Variants in SPATA17 observed in about 807,000 individuals in gnomAD.
SPATA17 encodes the protein spermatogenesis associated 17, also known as spermatogenesis-associated protein 17.
SPATA17 carries 53 observed loss-of-function variants against 62.2 expected under a neutral mutation model. That is an observed-to-expected ratio of 0.85 (90% CI 0.68 to 1.07). SPATA17 has a LOEUF of 1.07. Ranked by LOEUF, SPATA17 falls within the 50% of genes least tolerant of loss-of-function variation. SPATA17 has a pLI of 0.00. For synonymous variants in SPATA17, 146 were observed against 146.8 expected, an observed-to-expected ratio of 0.99 and a Z score of 0.04; for missense variants, 466 against 425.5, an observed-to-expected ratio of 1.10 and a Z score of -0.84.
intron 4 of SPATA17, among the ~76,000 whole-genome samples, chr1:217,674,365 T>C (rs1408739851): frequency 6.6e-6 from 1 of 152,212 alleles, no homozygotes; most frequent in African/African-American, 2.4e-5. Context: ...TGATTTGTGA[T>C]GCAGGATTTT....
chr1:217,682,491 C>G (rs1463189097), intron 4 of SPATA17, among the ~76,000 whole-genome samples: 1 of 151,988 alleles, frequency 6.6e-6, no homozygotes, highest in Non-Finnish European at 1.5e-5. Context: ...TATTGAAAAT[C>G]ACAGTTCTCT....
chr1:217,771,731 A>G (rs1193354648), intron 6 of SPATA17, among the ~76,000 whole-genome samples: 1 of 152,210 alleles, frequency 6.6e-6, no homozygotes, highest in Non-Finnish European at 1.5e-5. Context: ...TGCAAAGAGA[A>G]TACACATGAG....
rs1002377213 is a variant in SPATA17 at position 217,850,592 on chromosome 1, G to A, written c.1006-12182G>A. ...TGGTGTCACTGGGCTCCACTTCAAG[G>A]GTGATGGTCTTGCCAGTCAGGGTCT... On this transcript the variant is annotated intron_variant, in intron 9 of 10. Coordinates refer to ENST00000366933, the MANE Select transcript of SPATA17 (RefSeq NM_138796.4). The A allele has an allele frequency of 8.1e-6, 13 of 1,596,372 alleles. No individual in the cohort carries two copies. In the South Asian group the frequency reaches 1.4e-4, roughly 18 times the overall value.
chr1:217,861,316 G>A (rs1675893016), intron 9 of SPATA17, among the ~76,000 whole-genome samples: 1 of 150,648 alleles, frequency 6.6e-6, no homozygotes, highest in South Asian at 2.1e-4. Flanking sequence ...CATATCATTT[G>A]CCTCTCACTG....
At position 217,631,540 on chromosome 1, in the gene SPATA17, AC is replaced by A. The variant is rs1293146178; in HGVS notation, c.68+97del. On this transcript the variant is annotated intron_variant, in intron 1 of 10. Coordinates refer to ENST00000366933, the MANE Select transcript of SPATA17 (RefSeq NM_138796.4). The stretch of plus-strand genomic sequence containing the variant: ...GTTTCCAATTAACGATTTAACGATT[AC>A]CCTAATTCATTAAGTAGTACCCAAT... 9.1e-6 allele frequency: 12 copies of A among 1,314,296 alleles called. No homozygotes were observed. In the East Asian group the frequency reaches 2.8e-4, roughly 30 times the overall value. 81.4% of individuals were successfully genotyped at this position (1,314,296 alleles called of 1,614,324 possible).
intron 9 of SPATA17, among the ~76,000 whole-genome samples, chr1:217,825,821 T>A (rs1037583345): frequency 5.3e-5 from 8 of 152,076 alleles, no homozygotes. Flanking sequence ...AACTAACATT[T>A]CCTTGATTTT....
chr1:217,710,239 G>A (rs781543720), intron 5 of SPATA17, among the ~76,000 whole-genome samples: 8 of 152,096 alleles, frequency 5.3e-5, no homozygotes, highest in Non-Finnish European at 1.2e-4. Flanking sequence ...GTTTGCGCTT[G>A]GTAGACATGT....
chr1:217,684,497 C>T (rs1045434176), intron 5 of SPATA17, among the ~76,000 whole-genome samples: 1 of 152,088 alleles, frequency 6.6e-6, no homozygotes, highest in African/African-American at 2.4e-5. Flanking sequence ...TCACTGCAAC[C>T]TCTGCTTCTG....
In SPATA17 at chr1:217,687,471, G is replaced by A. The variant is rs140116893; in HGVS notation, c.395+4110G>A. 6.1e-3 allele frequency among the ~76,000 whole-genome samples: 921 copies of A among 152,220 alleles called. 13 individuals are homozygous for A. The highest frequency in any genetic ancestry group is 0.054 in the Middle Eastern group (16 of 294). On this transcript the variant is annotated intron_variant, in intron 5 of 10. Coordinates refer to ENST00000366933, the MANE Select transcript of SPATA17 (RefSeq NM_138796.4). ...ACATAATGATGTTTTGGTCAATGAC[G>A]TACGACATTTATGACAGTGGTCCTG... is the stretch of plus-strand genomic sequence containing the variant.
intron 9 of SPATA17, among the ~76,000 whole-genome samples, chr1:217,854,118 A>G (rs1009402949): frequency 6.6e-5 from 10 of 152,108 alleles, no homozygotes; most frequent in Admixed American, 6.6e-4. Context: ...AGAGCTCAGC[A>G]TTTGCCTTAT....
intron 4 of SPATA17, among the ~76,000 whole-genome samples, chr1:217,670,162 G>T (rs1670800255): frequency 6.6e-6 from 1 of 152,104 alleles, no homozygotes; most frequent in African/African-American, 2.4e-5. Context: ...GTTTTGTACA[G>T]CTTTGCTATA....
At chr1:217,710,747 GT>G (rs1220747834) in intron 5 of SPATA17, among the ~76,000 whole-genome samples, 1 of 152,116 alleles carries the variant, frequency 6.6e-6, no homozygotes, top group African/African-American at 2.4e-5. Context: ...CATTTGTAGA[GT>G]TTTGCAACCA....
intron 6 of SPATA17, among the ~76,000 whole-genome samples, chr1:217,771,987 T>G (rs1673459788): frequency 6.6e-6 from 1 of 152,236 alleles, no homozygotes; most frequent in South Asian, 2.1e-4. Context: ...GTTGTAGCAA[T>G]GTTCATAAAA....
intron 7 of SPATA17, among the ~76,000 whole-genome samples, chr1:217,778,616 C>A (rs959903950): frequency 6.6e-6 from 1 of 152,030 alleles, no homozygotes; most frequent in Admixed American, 6.6e-5. Flanking sequence ...TTGCATACAA[C>A]TTTTTAGGAA....
intron 4 of SPATA17, among the ~76,000 whole-genome samples, chr1:217,675,206 T>C (rs958152080): frequency 6.6e-6 from 1 of 152,158 alleles, no homozygotes; most frequent in Non-Finnish European, 1.5e-5. Context: ...AAGAGTGAGA[T>C]TACAGTGTGT....
intron 9 of SPATA17, among the ~76,000 whole-genome samples, chr1:217,838,740 G>A (rs1403761483): frequency 6.6e-6 from 1 of 152,050 alleles, no homozygotes; most frequent in Non-Finnish European, 1.5e-5. Context: ...GAAAAAATCA[G>A]AGAACATTCT....
intron 6 of SPATA17, among the ~76,000 whole-genome samples, chr1:217,749,147 G>A (rs1672839388): frequency 6.6e-6 from 1 of 152,144 alleles, no homozygotes; most frequent in Non-Finnish European, 1.5e-5. Context: ...CTCGAGTAAT[G>A]TTAAGATTAC....
intron 9 of SPATA17, among the ~76,000 whole-genome samples, chr1:217,829,016 A>T (rs6691408): frequency 0.013 from 1,970 of 152,252 alleles, 42 homozygotes; most frequent in African/African-American, 0.044. Context: ...AACAGCCATT[A>T]TGGAAAACAA....
intron 1 of SPATA17, among the ~76,000 whole-genome samples, chr1:217,634,420 T>C (rs145603081): frequency 3.3e-5 from 5 of 152,218 alleles, no homozygotes; most frequent in African/African-American, 1.2e-4. Flanking sequence ...ACCTGTCTTC[T>C]TGCACTGAGT....
Sources: gnomAD v4.1 joint callset for allele counts (sites outside exome capture counted in the v4.1 genomes callset) on GRCh38, gnomAD v4.1.1 for gene constraint, MANE v1.5 for transcripts, NCBI Gene and HGNC (gene_info 2026-07-23, HGNC 2026-07-21) for gene names.